MORC1: variants seen among roughly 807,000 people sequenced by gnomAD.
MORC1 encodes MORC family CW-type zinc finger protein 1.
In MORC1, 59 loss-of-function variants were observed where a neutral mutation model predicts 134.9. The observed-to-expected ratio is 0.44, with a 90% CI of 0.35 to 0.54. The LOEUF (loss-of-function observed/expected upper bound fraction) is 0.54, where lower values mean the gene tolerates loss of function less well. Among genes scored for constraint, MORC1 ranks in the 20% least tolerant of loss-of-function variants. The pLI is 0.00. For synonymous variants in MORC1, 395 were observed against 391.7 expected, an observed-to-expected ratio of 1.01 and a Z score of -0.10; for missense variants, 947 against 1,134.5, an observed-to-expected ratio of 0.83 and a Z score of 2.37.
chr3:109,021,117 C>T (rs914978918), intron 17 of MORC1, among the ~76,000 whole-genome samples: 2 of 152,106 alleles, frequency 1.3e-5, no homozygotes, highest in East Asian at 3.9e-4. Context: ...CAGCCTGCTG[C>T]GGAAGGAAGC....
At chr3:108,990,092 C>A (rs573446726) in intron 21 of MORC1, among the ~76,000 whole-genome samples, 12 of 152,158 alleles carry the variant, frequency 7.9e-5, no homozygotes, top group African/African-American at 2.9e-4. Flanking sequence ...TGCCTTTTCT[C>A]CTCTGCCTTC....
Position 109,069,842 on chromosome 3 carries a change from T to C in MORC1, c.690-85A>G. ...GAAGAAATAACATCAGACTATCAGG[T>C]TATTATTGTTACTACAAGAAGCTTC... On this transcript the variant is annotated intron_variant, in intron 8 of 27. Coordinates refer to ENST00000232603, the MANE Select transcript of MORC1 (RefSeq NM_014429.4). 3 of 1,378,436 alleles carry C rather than the reference T, an allele frequency of 2.2e-6. No individual in the cohort carries two copies. The South Asian group carries it at 5.3e-5, about 24-fold the overall frequency. 85.4% of individuals were successfully genotyped at this position (1,378,436 alleles called of 1,614,324 possible).
rs767765321 is a variant in MORC1 at position 108,958,982 on chromosome 3, T to G, written c.2938A>C (p.Lys980Gln). 7.3e-6 allele frequency: 11 copies of G among 1,504,188 alleles called. No individual in the cohort carries two copies. Among genetic ancestry groups the G allele is most frequent in the Non-Finnish European group, 9.8e-6 (11 of 1,127,636 alleles). The allele number at this position is 1,504,188 out of a possible 1,614,324, so 93.2% of individuals were successfully genotyped here. A position where few individuals can be genotyped will look rare whatever the true frequency, so the allele number is the denominator to read the frequency against. The change falls in exon 28 of 28, where the codon AAG becomes CAG. Residue 980 changes from lysine to glutamine, a missense_variant. Lys to Gln is a moderately conservative substitution (Grantham distance 53). Around this residue, in one of 3 missense-constraint regions of MORC1, gnomAD observed 722 missense variants for 817.0 expected, o/e 0.88. Coordinates refer to ENST00000232603, the MANE Select transcript of MORC1 (RefSeq NM_014429.4). ...RHRLPLEKNE[K>Q]TSEN ...TCTCTGACTTAATTTTCCGAAGTCT[T>G]TTCATTTTTTTCTAAAGGGAGTCTA...
At chr3:109,097,044 A>G (rs1173337218) in intron 6 of MORC1, among the ~76,000 whole-genome samples, 1 of 152,192 alleles carries the variant, frequency 6.6e-6, no homozygotes, top group Non-Finnish European at 1.5e-5. Flanking sequence ...CCCAGAATTG[A>G]AGAATATGAG....
chr3:109,090,904 T>TA (rs746525324), intron 8 of MORC1, among the ~76,000 whole-genome samples: 1 of 151,938 alleles, frequency 6.6e-6, no homozygotes, highest in Admixed American at 6.6e-5. Flanking sequence ...AAAGAAATGG[T>TA]AAAAAATGTG....
intron 21 of MORC1, among the ~76,000 whole-genome samples, chr3:108,991,356 T>A (rs1948056161): frequency 6.6e-6 from 1 of 152,170 alleles, no homozygotes; most frequent in South Asian, 2.1e-4. Context: ...ATATGTTCTA[T>A]GTTTAAAGGT....
intron 6 of MORC1, among the ~76,000 whole-genome samples, chr3:109,097,591 A>G (rs1201099817): frequency 2.6e-5 from 4 of 152,176 alleles, no homozygotes. Context: ...CCATGGAAGC[A>G]GGAGTGTGAG....
chr3:109,082,030 T>A (rs566092402), intron 8 of MORC1, among the ~76,000 whole-genome samples: 1 of 151,718 alleles, frequency 6.6e-6, no homozygotes, highest in Admixed American at 6.6e-5. Context: ...CTCAGACAAA[T>A]CAAGTGGCCG....
intron 16 of MORC1, among the ~76,000 whole-genome samples, chr3:109,031,849 A>C (rs1949248401): frequency 2.0e-5 from 3 of 152,164 alleles, no homozygotes; most frequent in African/African-American, 7.2e-5. Context: ...TGGGAAAAAC[A>C]AGGTTGCATT....
Position 108,958,575 on chromosome 3 carries a change from T to C in MORC1, c.*390A>G. ...TCAAGAGGAGGTGATTCTGTAGTCC[T>C]TCACATATCGATTTTGAAAAAATCT... On this transcript the variant is annotated 3_prime_UTR_variant, in exon 28 of 28. Coordinates refer to ENST00000232603, the MANE Select transcript of MORC1 (RefSeq NM_014429.4). The C allele has an allele frequency of 6.5e-6, 1 of 153,000 alleles. No individual in the cohort carries two copies. Among genetic ancestry groups the C allele is most frequent in the Non-Finnish European group, 1.5e-5 (1 of 68,590 alleles). The allele number at this position is 153,000 out of a possible 1,614,324, so 9.5% of individuals were successfully genotyped here.
At position 109,118,131 on chromosome 3, in the gene MORC1, G is replaced by GCCCACT; in HGVS notation, c.-73_-72insAGTGGG. ...CCGGCAGCCGTTCGCCTGCGCCCGC[G>GCCCACT]CCCACTCCCACGCCCACGCTCACGC... On this transcript the variant is annotated 5_prime_UTR_variant, in exon 1 of 28. Transcript: ENST00000232603. The GCCCACT allele has an allele frequency of 2.0e-6, 3 of 1,537,640 alleles. No individual in the cohort carries two copies. The highest frequency in any genetic ancestry group is 2.7e-5 in the African/African-American group (2 of 73,210).
intron 21 of MORC1, among the ~76,000 whole-genome samples, chr3:108,996,291 CA>C (rs1948223370): frequency 1.4e-5 from 1 of 73,364 alleles, no homozygotes; most frequent in Admixed American, 1.5e-4. Flanking sequence ...CGCGCGCACA[CA>C]CACACACACA....
At chr3:109,040,646 A>G (rs536089746) in intron 14 of MORC1, among the ~76,000 whole-genome samples, 1 of 151,828 alleles carries the variant, frequency 6.6e-6, no homozygotes, top group South Asian at 2.1e-4. Flanking sequence ...CCTGATCAAC[A>G]TGGTGAAACC....
chr3:109,058,512 C>T (rs1050891473), intron 12 of MORC1, among the ~76,000 whole-genome samples: 1 of 151,894 alleles, frequency 6.6e-6, no homozygotes, highest in African/African-American at 2.4e-5. Flanking sequence ...ACATAATATA[C>T]TTATTGGACT....
At chr3:109,067,461 G>A (rs1049382226) in intron 9 of MORC1, among the ~76,000 whole-genome samples, 2 of 152,046 alleles carry the variant, frequency 1.3e-5, no homozygotes, top group East Asian at 1.9e-4. Flanking sequence ...CAATATACTC[G>A]AATGGGAAGC....
intron 12 of MORC1, 132 bp downstream of exon 12, chr3:109,059,674 G>A (rs1455153222): frequency 1.6e-6 from 1 of 637,728 alleles, no homozygotes; most frequent in Non-Finnish European, 2.6e-6. Flanking sequence ...ACTATATTAG[G>A]TTTCAGATTA....
In MORC1 at chr3:109,041,919, G is replaced by C. The variant is rs1403851101; in HGVS notation, c.1331-6451C>G. Among the ~76,000 whole-genome samples the C allele has an allele frequency of 2.6e-5, 4 of 151,808 alleles. No individual in the cohort carries two copies. The East Asian group carries it at 7.8e-4, about 30-fold the overall frequency. ...AGATTGTGCCACTACACTCCAGCCTGGGCAACAGAGTGAGACTCCATCTCA... is the reference window on the plus strand; with the variant it reads ...AGATTGTGCCACTACACTCCAGCCTCGGCAACAGAGTGAGACTCCATCTCA... On this transcript the variant is annotated intron_variant, in intron 14 of 27. Transcript: ENST00000232603.
intron 8 of MORC1, among the ~76,000 whole-genome samples, chr3:109,086,593 T>C (rs983089738): frequency 6.6e-6 from 1 of 152,050 alleles, no homozygotes; most frequent in African/African-American, 2.4e-5. Flanking sequence ...AACCCAGTAA[T>C]AGTATTTCTG....
At chr3:109,013,822 G>A (rs761510080) in intron 17 of MORC1, among the ~76,000 whole-genome samples, 2 of 152,100 alleles carry the variant, frequency 1.3e-5, no homozygotes, top group Non-Finnish European at 2.9e-5. Context: ...AGGTTATGAG[G>A]ATTCCATTCT....
Sources: allele counts gnomAD v4.1 joint callset (sites outside exome capture counted in the v4.1 genomes callset), GRCh38; gene constraint gnomAD v4.1.1; regional missense constraint gnomAD v4.1.1; transcripts MANE v1.5; gene names NCBI Gene and HGNC (gene_info 2026-07-23, HGNC 2026-07-21).